MYO16: variants seen among roughly 807,000 people sequenced by gnomAD.
MYO16 encodes myosin XVI, also known as unconventional myosin-XVI.
A neutral mutation model predicts 205.3 loss-of-function variants in MYO16; 94 were observed. The observed-to-expected ratio is 0.46, with a 90% confidence interval of 0.39 to 0.54. The LOEUF is 0.54. MYO16 is among the 20% of genes least tolerant of loss of function. MYO16 has a pLI of 0.00. For missense variants in MYO16, 2,315 were observed against 2,387.5 expected, an observed-to-expected ratio of 0.97 and a Z score of 0.63; for synonymous variants, 988 against 954.0, an observed-to-expected ratio of 1.04 and a Z score of -0.66.
intron 2 of MYO16, among the ~76,000 whole-genome samples, chr13:108,668,128 A>T (rs1289881825): frequency 6.6e-6 from 1 of 152,264 alleles, no homozygotes; most frequent in Non-Finnish European, 1.5e-5. Context: ...TAGGGTTAAA[A>T]GAAAACTCAT....
rs1220637093 is a variant in MYO16, at chr13:108,665,875, A to G, written c.29-11A>G. On this transcript the variant is annotated splice_polypyrimidine_tract_variant and intron_variant, in intron 1 of 34. Coordinates refer to ENST00000457511, the MANE Select transcript of MYO16 (RefSeq NM_001198950.3). ...ATAGGTCTGGTGACGCTCCCCTTGC[A>G]TTTCTTCCAGGTTGCTTTCAGCTAT... The G allele has an allele frequency of 6.2e-7, 1 of 1,611,270 alleles. No homozygotes were observed. The highest frequency in any genetic ancestry group is 1.1e-5 in the South Asian group (1 of 90,648).
intron 9 of MYO16, among the ~76,000 whole-genome samples, chr13:108,832,035 C>T (rs1161618450): frequency 6.6e-6 from 1 of 152,008 alleles, no homozygotes; most frequent in African/African-American, 2.4e-5. Flanking sequence ...GGGTATCATG[C>T]TCTTGGGGTA....
chr13:108,883,012 G>C (rs759484023), intron 12 of MYO16, 47 bp from the exon 13 acceptor site: 1 of 1,603,644 alleles, frequency 6.2e-7, no homozygotes, highest in Non-Finnish European at 8.5e-7. Flanking sequence ...AGGAATACTG[G>C]CGCCTTTTCA....
At chr13:109,054,957 T>A in intron 25 of MYO16, 89 bp from the exon 26 acceptor site, 1 of 669,068 alleles carries the variant, frequency 1.5e-6, no homozygotes, top group Non-Finnish European at 2.5e-6. Context: ...CTCCCTTCCC[T>A]TCCCCTTCCT....
chr13:108,915,605 G>A (rs1304993842), intron 16 of MYO16, among the ~76,000 whole-genome samples: 1 of 152,070 alleles, frequency 6.6e-6, no homozygotes, highest in African/African-American at 2.4e-5. Flanking sequence ...TGGGAATTGA[G>A]ATTTAATGAA....
chr13:108,819,140 T>G (rs1226939878), intron 7 of MYO16, among the ~76,000 whole-genome samples: 1 of 152,194 alleles, frequency 6.6e-6, no homozygotes, highest in Non-Finnish European at 1.5e-5. Flanking sequence ...ATTGTATGTG[T>G]GCACCAAGAG....
chr13:108,504,855 T>A, the MYO16 span, among the ~76,000 whole-genome samples: 1 of 152,202 alleles, frequency 6.6e-6, no homozygotes, highest in East Asian at 1.9e-4. Flanking sequence ...TTCTATTTGC[T>A]GTTTCTATGA....
intron 32 of MYO16, among the ~76,000 whole-genome samples, chr13:109,155,126 A>G (rs1033397214): frequency 2.0e-5 from 3 of 152,254 alleles, no homozygotes; most frequent in Admixed American, 2.0e-4. Flanking sequence ...TAGCTTTACT[A>G]TCAATGCATT....
At chr13:108,670,549 A>G (rs1881938497) in intron 2 of MYO16, among the ~76,000 whole-genome samples, 1 of 152,216 alleles carries the variant, frequency 6.6e-6, no homozygotes, top group African/African-American at 2.4e-5. Context: ...AGTAAAGCAA[A>G]GAAGGGAACA....
the MYO16 span, among the ~76,000 whole-genome samples, chr13:108,528,107 T>TA: frequency 6.6e-6 from 1 of 152,206 alleles, no homozygotes; most frequent in Non-Finnish European, 1.5e-5. Context: ...GAAAATAAGA[T>TA]AAATACAGAA....
chr13:108,564,920 A>G, the MYO16 span, among the ~76,000 whole-genome samples: 2 of 152,198 alleles, frequency 1.3e-5, no homozygotes, highest in South Asian at 2.1e-4. Context: ...CTTTTCCCCA[A>G]TGTATGTTCT....
intron 9 of MYO16, among the ~76,000 whole-genome samples, chr13:108,843,696 CTATT>C (rs1180365467): frequency 1.3e-5 from 2 of 151,936 alleles, no homozygotes; most frequent in Non-Finnish European, 2.9e-5. Context: ...CATTTATTTT[CTATT>C]TATTTTTAAT....
intron 22 of MYO16, among the ~76,000 whole-genome samples, chr13:109,013,365 A>G (rs1281031825): frequency 6.6e-6 from 1 of 152,008 alleles, no homozygotes; most frequent in Non-Finnish European, 1.5e-5. Flanking sequence ...CCAGTCTATC[A>G]TTGATGGACA....
At chr13:109,190,213 T>C (rs1244661877) in intron 34 of MYO16, among the ~76,000 whole-genome samples, 3 of 152,178 alleles carry the variant, frequency 2.0e-5, no homozygotes, top group African/African-American at 7.2e-5. Flanking sequence ...AAAGTTTAGG[T>C]TTGTTTTTTA....
At chr13:109,115,361 A>C (rs1399557770) in intron 28 of MYO16, among the ~76,000 whole-genome samples, 2 of 152,166 alleles carry the variant, frequency 1.3e-5, no homozygotes, top group African/African-American at 2.4e-5. Flanking sequence ...AACAAGAAAA[A>C]AAACCTAATG....
intron 33 of MYO16, among the ~76,000 whole-genome samples, chr13:109,167,744 G>A (rs745306288): frequency 2.0e-5 from 3 of 152,116 alleles, no homozygotes; most frequent in Non-Finnish European, 2.9e-5. Context: ...AAAGCAGTTA[G>A]AGGTAAAAAT....
the MYO16 span, among the ~76,000 whole-genome samples, chr13:108,576,591 GTAAC>G: frequency 1.3e-5 from 2 of 152,136 alleles, no homozygotes; most frequent in African/African-American, 4.8e-5. Flanking sequence ...CATTTTGAAA[GTAAC>G]TGCTCTTAGT....
At chr13:108,826,843 C>T (rs1223819762) in intron 9 of MYO16, among the ~76,000 whole-genome samples, 4 of 151,894 alleles carry the variant, frequency 2.6e-5, no homozygotes, top group Non-Finnish European at 5.9e-5. Flanking sequence ...TTTATACTTC[C>T]TAGAATGGCC....
At chr13:108,776,963 A>G (rs1444727096) in intron 4 of MYO16, among the ~76,000 whole-genome samples, 3 of 152,178 alleles carry the variant, frequency 2.0e-5, no homozygotes, top group Non-Finnish European at 4.4e-5. Context: ...TCACAGACAC[A>G]GAGTCTGTGT....
Sources: gnomAD v4.1 joint callset for allele counts (sites outside exome capture counted in the v4.1 genomes callset) on GRCh38, gnomAD v4.1.1 for gene constraint, MANE v1.5 for transcripts, NCBI Gene and HGNC (gene_info 2026-07-23, HGNC 2026-07-21) for gene names.